The following ITGA7 variants were observed in gnomAD, a reference collection of about 807,000 sequenced individuals.
ITGA7 encodes integrin subunit alpha 7, also known as integrin alpha-7.
Under a neutral mutation model 131.6 loss-of-function variants are expected in ITGA7, and 84 were observed. The ratio of observed to expected loss-of-function variants is 0.64; its 90% CI spans 0.54 to 0.77. ITGA7 has a LOEUF of 0.77. Among genes scored for constraint, ITGA7 ranks in the 30% least tolerant of loss-of-function variants. The pLI, the probability that ITGA7 is intolerant of heterozygous loss-of-function variation, is 0.00. For synonymous variants in ITGA7, 548 were observed against 600.7 expected (o/e 0.91, Z 1.28); for missense variants, 1,399 against 1,482.9 (o/e 0.94, Z 0.93).
chr12:55,694,522 C>T lies in ITGA7; in HGVS notation c.2278G>A (p.Val760Ile), dbSNP rs773004449. ...GTGCTAAGGATGAGGTAGAAGGTGA[C>T]CTAGGCCAAGGGTGGAAAGAGATTA... ...LGNPMKRGAQVTFYLILSTSG... is the reference protein window; with the variant it reads ...LGNPMKRGAQITFYLILSTSG... The change falls in exon 17 of 25, where the codon GTC becomes ATC. Residue 760 changes from valine (V) to isoleucine (I), a missense_variant and splice_region_variant. By Grantham distance (29) the Val-to-Ile change is conservative. Coordinates refer to ENST00000257879, the MANE Select transcript of ITGA7 (RefSeq NM_002206.3). This position sits in a 1 kb window ranked among gnomAD's most constrained non-coding sequence, Gnocchi z 5.3. 8.7e-6 allele frequency: 14 copies of T among 1,614,144 alleles called. No individual in the cohort carries two copies. In the Middle Eastern group the frequency reaches 8.2e-4, roughly 95 times the overall value.
rs933862078 is a variant in ITGA7 at position 55,688,944 on chromosome 12, C to T, written c.2858G>A (p.Gly953Asp). The change falls in exon 22 of 25, where the codon GGC becomes GAC. Residue 953 changes from glycine to aspartate, a missense_variant. Transcript: ENST00000257879. ...GCTGAACACCACACAGTTGGCCGTG[C>T]CCCGGGCGCAGTCCTAGGGATAAGG... The part of the protein sequence containing the change: ...KKNITLDCAR[G>D]TANCVVFSCP... The T allele has an allele frequency of 1.2e-6, 2 of 1,613,720 alleles. No homozygotes were observed. The highest frequency in any genetic ancestry group is 1.7e-6 in the Non-Finnish European group (2 of 1,179,776).
chr12:55,695,685 G>A, intron 13 of ITGA7, 48 bp from the exon 14 acceptor site: 1 of 1,284,312 alleles, frequency 7.8e-7, no homozygotes, highest in Non-Finnish European at 1.1e-6. Flanking sequence ...GCAAGGCAGG[G>A]GGCAAACCTG....
At chr12:55,709,894 A>T (rs1263284947), upstream of ITGA7, among the ~76,000 whole-genome samples, 2 of 152,204 alleles carry the variant, frequency 1.3e-5, no homozygotes, top group African/African-American at 4.8e-5. Flanking sequence ...GAAGAGAGAG[A>T]GAGGCCACCC....
chr12:55,686,202 C>G, intron 24 of ITGA7: 1 of 1,346,216 alleles, frequency 7.4e-7, no homozygotes, highest in South Asian at 1.1e-5. Context: ...CAACAGTTAC[C>G]CCACAGTCCC....
chr12:55,694,199 T>A lies in ITGA7; in HGVS notation c.2432+57A>T, dbSNP rs1414638294. The A allele has an allele frequency of 6.2e-7, 1 of 1,612,386 alleles. No homozygotes were observed. Among genetic ancestry groups the A allele is most frequent in the African/African-American group, 1.3e-5 (1 of 74,872 alleles). ...ATGAAGGCAGGGCCCTGGCCAAGGT[T>A]TGGAAATGTCAATGCCCCCTCCCTC... On this transcript the variant is annotated intron_variant, in intron 18 of 24. Coordinates refer to ENST00000257879, the MANE Select transcript of ITGA7 (RefSeq NM_002206.3). This position sits in a 1 kb window ranked among gnomAD's most constrained non-coding sequence, Gnocchi z 5.3.
upstream of ITGA7, among the ~76,000 whole-genome samples, chr12:55,709,108 TCTCA>T (rs1239413424): frequency 2.6e-5 from 4 of 152,196 alleles, no homozygotes; most frequent in African/African-American, 9.7e-5. Flanking sequence ...CCCTTCTCTC[TCTCA>T]CTATCTGATT....
upstream of ITGA7, among the ~76,000 whole-genome samples, chr12:55,713,931 C>T (rs1876310122): frequency 6.6e-6 from 1 of 152,172 alleles, no homozygotes; most frequent in African/African-American, 2.4e-5. Context: ...ATTTCTCCTC[C>T]CCCTGCAAGT....
intron 1 of ITGA7, among the ~76,000 whole-genome samples, chr12:55,707,106 A>C (rs1329047925): frequency 1.3e-5 from 2 of 152,120 alleles, no homozygotes; most frequent in African/African-American, 4.8e-5. Context: ...CTCCCATTCT[A>C]AGCAGAGACA....
upstream of ITGA7, among the ~76,000 whole-genome samples, chr12:55,713,075 C>T (rs1876251462): frequency 6.6e-6 from 1 of 151,912 alleles, no homozygotes; most frequent in Non-Finnish European, 1.5e-5. Flanking sequence ...TCACTTATCC[C>T]ATGTCACCAT....
intron 12 of ITGA7, 99 bp downstream of exon 12, chr12:55,696,800 G>A: frequency 7.3e-7 from 1 of 1,367,166 alleles, no homozygotes; most frequent in Non-Finnish European, 1.0e-6. Context: ...GTCTTAGAAG[G>A]AGGCACGAGT....
Position 55,707,822 on chromosome 12 carries a change from C to CCAAA in ITGA7, c.-141_-140insTTTG. The CCAAA allele has an allele frequency of 4.3e-6, 6 of 1,411,456 alleles. No individual in the cohort carries two copies. Among genetic ancestry groups the CCAAA allele is most frequent in the Non-Finnish European group, 5.7e-6 (6 of 1,057,348 alleles). 87.4% of individuals were successfully genotyped at this position (1,411,456 alleles called of 1,614,324 possible). On this transcript the variant is annotated 5_prime_UTR_variant, in exon 1 of 25. Transcript: ENST00000257879. ...TCTCCCAGACGTTCGCCCCGCCAGC[C>CCAAA]CTCCCGCCCGCCCGCCGCTCCGCCA...
intron 3 of ITGA7, among the ~76,000 whole-genome samples, chr12:55,702,519 T>C (rs1874281030): frequency 6.6e-6 from 1 of 152,056 alleles, no homozygotes; most frequent in Non-Finnish European, 1.5e-5. Flanking sequence ...TTCGCCATGT[T>C]GGTCCGGCTG....
At chr12:55,702,488 T>C (rs1276001996) in intron 3 of ITGA7, among the ~76,000 whole-genome samples, 4 of 152,264 alleles carry the variant, frequency 2.6e-5, no homozygotes, top group East Asian at 3.9e-4. Flanking sequence ...AATTTTTTTG[T>C]ATTTTTAGGA....
chr12:55,711,849 T>C (rs61956381), upstream of ITGA7, among the ~76,000 whole-genome samples: 328 of 152,330 alleles, frequency 2.2e-3, 1 homozygote, highest in Admixed American at 4.4e-3. Flanking sequence ...CAACATCTTC[T>C]TCCCCACTTT....
chr12:55,700,717 G>T, intron 4 of ITGA7, 182 bp downstream of exon 4: 1 of 791,642 alleles, frequency 1.3e-6, no homozygotes, highest in Non-Finnish European at 2.0e-6. Context: ...GGCCGTGCGA[G>T]GGAAAGGAGG....
upstream of ITGA7, among the ~76,000 whole-genome samples, chr12:55,708,888 C>T (rs1352546510): frequency 6.6e-6 from 1 of 152,226 alleles, no homozygotes; most frequent in African/African-American, 2.4e-5. Context: ...TGTCCCTCTT[C>T]CTCTCCCTTT....
At chr12:55,691,139 A>T (rs1373577211) in intron 21 of ITGA7, among the ~76,000 whole-genome samples, 3 of 151,646 alleles carry the variant, frequency 2.0e-5, no homozygotes, top group Non-Finnish European at 4.4e-5. Flanking sequence ...ATTAAAAAAT[A>T]AAAAATAAAA....
intron 21 of ITGA7, among the ~76,000 whole-genome samples, chr12:55,691,227 T>C (rs548273169): frequency 6.6e-6 from 1 of 152,320 alleles, no homozygotes; most frequent in Admixed American, 6.5e-5. Flanking sequence ...AGATAAATAC[T>C]GCATTATCTC....
upstream of ITGA7, among the ~76,000 whole-genome samples, chr12:55,709,086 T>C (rs1875783935): frequency 2.6e-5 from 4 of 152,186 alleles, no homozygotes; most frequent in African/African-American, 9.7e-5. Context: ...TGAATATACA[T>C]CTGTCCATCT....
Sources: allele counts gnomAD v4.1 joint callset (sites outside exome capture counted in the v4.1 genomes callset), GRCh38; gene constraint gnomAD v4.1.1; non-coding constraint Gnocchi (gnomAD v3.1); transcripts MANE v1.5; gene names NCBI Gene and HGNC (gene_info 2026-07-23, HGNC 2026-07-21).